Variants in TBCE observed in about 807,000 individuals in gnomAD.
TBCE encodes the protein tubulin-specific chaperone E.
A neutral mutation model predicts 77.0 loss-of-function variants in TBCE; 53 were observed. The observed-to-expected ratio is 0.69, with a 90% CI of 0.55 to 0.87. The LOEUF is 0.87. TBCE is among the 40% of genes least tolerant of loss of function. The probability of loss-of-function intolerance (pLI) is 0.00; values close to 1 mark genes in which losing one functional copy is unlikely to be tolerated. For missense variants in TBCE, 624 were observed against 622.4 expected (o/e 1.00, Z -0.03); for synonymous variants, 235 against 241.3 (o/e 0.97, Z 0.24).
At chr1:235,409,004 C>A (rs1679621362) in intron 3 of TBCE, among the ~76,000 whole-genome samples, 1 of 119,156 alleles carries the variant, frequency 8.4e-6, no homozygotes, top group Non-Finnish European at 1.6e-5. Context: ...AGATAAACAG[C>A]CAATCTTTTT....
Position 235,407,131 on chromosome 1 carries a change from C to T in TBCE, c.185+5544C>T, listed in dbSNP as rs528629218. 8.6e-3 allele frequency among the ~76,000 whole-genome samples: 1,296 copies of T among 149,896 alleles called. 6 individuals are homozygous for T. The highest frequency in any genetic ancestry group is 0.014 in the Non-Finnish European group (943 of 67,658). On this transcript the variant is annotated intron_variant, in intron 3 of 16. Coordinates refer to ENST00000642610, the MANE Select transcript of TBCE (RefSeq NM_003193.5). ...GGCGTGAACCACTGCACCTGGCCCC[C>T]GCCTTTTTTTTTTTTTTTTGGACGC...
At position 235,371,335 on chromosome 1, in the gene TBCE, C is replaced by T. The variant is rs984921885; in HGVS notation, c.-32+3831C>T. ...CCTCTCAAACTGCTGGGATTACAGGCGTGAGCCACCGCCCCCGGCCACTCT... is the reference window on the plus strand; with the variant it reads ...CCTCTCAAACTGCTGGGATTACAGGTGTGAGCCACCGCCCCCGGCCACTCT... On this transcript the variant is annotated intron_variant, in intron 1 of 16. Transcript: ENST00000642610. Among the ~76,000 whole-genome samples the T allele has an allele frequency of 4.0e-5, 6 of 150,526 alleles. No homozygotes were observed. In the South Asian group the frequency reaches 8.4e-4, roughly 21 times the overall value.
At chr1:235,416,871 C>G (rs577060907) in intron 4 of TBCE, among the ~76,000 whole-genome samples, 1 of 152,310 alleles carries the variant, frequency 6.6e-6, no homozygotes, top group Non-Finnish European at 1.5e-5. Context: ...AGGCTGGGTT[C>G]AGCCGCCAGC....
At chr1:235,397,845 G>A (rs1434466311) in intron 2 of TBCE, among the ~76,000 whole-genome samples, 2 of 152,148 alleles carry the variant, frequency 1.3e-5, no homozygotes, top group African/African-American at 4.8e-5. Context: ...GACTGGTGAG[G>A]TATACCCTTA....
intron 15 of TBCE, among the ~76,000 whole-genome samples, chr1:235,444,312 C>T (rs1449648894): frequency 6.6e-6 from 1 of 151,654 alleles, no homozygotes; most frequent in African/African-American, 2.4e-5. Context: ...TAGTGATTTC[C>T]CCCTTCATTA....
chr1:235,450,359 A>C lies in TBCE; in HGVS notation c.*1597A>C. The stretch of plus-strand genomic sequence containing the variant: ...GACTGTCCTGTTGAGAAACAACCAA[A>C]GCCGATCTGAGAGTGGTGAAACTGT... On this transcript the variant is annotated 3_prime_UTR_variant, in exon 17 of 17. Transcript: ENST00000642610. The C allele has an allele frequency of 6.2e-7, 1 of 1,612,706 alleles. No homozygotes were observed. Among genetic ancestry groups the C allele is most frequent in the Non-Finnish European group, 8.5e-7 (1 of 1,178,922 alleles).
intron 2 of TBCE, among the ~76,000 whole-genome samples, chr1:235,383,678 CTT>C (rs1677823054): frequency 6.6e-6 from 1 of 152,186 alleles, no homozygotes; most frequent in African/African-American, 2.4e-5. Flanking sequence ...TAACCTGAGA[CTT>C]TGCTGAAGTT....
At chr1:235,402,346 G>A (rs1214438103) in intron 3 of TBCE, among the ~76,000 whole-genome samples, 1 of 151,998 alleles carries the variant, frequency 6.6e-6, no homozygotes, top group Non-Finnish European at 1.5e-5. Flanking sequence ...ACAGGTGTGA[G>A]CCACCACGCC....
chr1:235,373,736 C>T (rs1442367067), intron 1 of TBCE, among the ~76,000 whole-genome samples: 1 of 151,492 alleles, frequency 6.6e-6, no homozygotes, highest in Non-Finnish European at 1.5e-5. Context: ...GCAAGCTCCG[C>T]CTCCCGGGTT....
chr1:235,440,188 T>C (rs1681769451), intron 13 of TBCE, among the ~76,000 whole-genome samples: 1 of 152,110 alleles, frequency 6.6e-6, no homozygotes, highest in Admixed American at 6.5e-5. Context: ...GCCAGGATGG[T>C]CTCGATCTCC....
Position 235,367,497 on chromosome 1 carries a change from G to A in TBCE, c.-39G>A, listed in dbSNP as rs1300042078. ...GCTGCTGGGAACACCTGGAGTCTCC[G>A]CGGGCAGGTGAGCTTCAGAGGTTCG... On this transcript the variant is annotated 5_prime_UTR_variant, in exon 1 of 17. Transcript: ENST00000642610. 2.0e-5 allele frequency: 3 copies of A among 152,970 alleles called. No homozygotes were observed. Among genetic ancestry groups the A allele is most frequent in the Non-Finnish European group, 4.4e-5 (3 of 68,310 alleles). The allele number at this position is 152,970 out of a possible 1,614,324, so 9.5% of individuals were successfully genotyped here.
chr1:235,382,265 C>A (rs1677720565), intron 2 of TBCE, among the ~76,000 whole-genome samples: 1 of 151,976 alleles, frequency 6.6e-6, no homozygotes, highest in South Asian at 2.1e-4. Flanking sequence ...AATAGTGTCA[C>A]AATAAACATA....
intron 15 of TBCE, among the ~76,000 whole-genome samples, chr1:235,443,537 C>G (rs772828583): frequency 6.6e-6 from 1 of 152,116 alleles, no homozygotes; most frequent in Non-Finnish European, 1.5e-5. Flanking sequence ...AACCTGAGAC[C>G]TTGAATGGCA....
intron 1 of TBCE, among the ~76,000 whole-genome samples, chr1:235,369,134 C>T (rs943428479): frequency 2.6e-5 from 4 of 151,950 alleles, no homozygotes; most frequent in Non-Finnish European, 5.9e-5. Context: ...CACAGTATCT[C>T]GGTTGATCCT....
intron 3 of TBCE, among the ~76,000 whole-genome samples, chr1:235,406,197 T>C (rs1019889290): frequency 6.6e-6 from 1 of 152,174 alleles, no homozygotes; most frequent in African/African-American, 2.4e-5. Context: ...AAAGAGATCA[T>C]TGGGTCTGAA....
intron 2 of TBCE, among the ~76,000 whole-genome samples, chr1:235,395,012 A>G (rs377194006): frequency 1.3e-5 from 2 of 152,188 alleles, no homozygotes; most frequent in South Asian, 2.1e-4. Context: ...GCCAGCTTAT[A>G]TATTTGTAAT....
intron 2 of TBCE, among the ~76,000 whole-genome samples, chr1:235,388,426 T>C (rs1378183598): frequency 5.9e-5 from 9 of 151,838 alleles, no homozygotes; most frequent in South Asian, 2.1e-4. Context: ...GTAGCTGGGA[T>C]TACGGGGACC....
chr1:235,434,235 T>C lies in TBCE; in HGVS notation c.692T>C (p.Leu231Pro). The change falls in exon 8 of 17, where the codon CTG (leucine) becomes CCG (proline). Residue 231 changes from leucine (L) to proline (P), a missense_variant. By Grantham distance (98) the Leu-to-Pro change is moderately conservative. Transcript: ENST00000642610. ...VLRCVAGCPG[L>P]EELYLESNNI... ...CGGTGTGTCGCGGGGTGCCCAGGCC[T>C]GGAGGAACTCTACCTTGAGTCTAAC... 1 of 1,614,196 alleles carries C rather than the reference T, an allele frequency of 6.2e-7. No homozygotes were observed. Among genetic ancestry groups the C allele is most frequent in the Non-Finnish European group, 8.5e-7 (1 of 1,180,036 alleles).
chr1:235,435,663 C>A, intron 8 of TBCE, 82 bp from the exon 9 acceptor site: 1 of 1,362,502 alleles, frequency 7.3e-7, no homozygotes, highest in South Asian at 1.2e-5. Context: ...TCCATCGCAC[C>A]AAATGCAGGG....
Sources: gnomAD v4.1 joint callset for allele counts (sites outside exome capture counted in the v4.1 genomes callset) on GRCh38, gnomAD v4.1.1 for gene constraint, MANE v1.5 for transcripts, NCBI Gene and HGNC (gene_info 2026-07-23, HGNC 2026-07-21) for gene names.